The following CEACAM5 variants were observed in gnomAD, a reference collection of about 807,000 sequenced individuals.
CEACAM5 encodes the protein cell adhesion molecule CEACAM5.
In CEACAM5, 52 loss-of-function variants were observed where a neutral mutation model predicts 63.0. That is an observed-to-expected ratio of 0.83 (90% confidence interval 0.66 to 1.04). CEACAM5 has a LOEUF of 1.04. Among genes scored for constraint, CEACAM5 ranks in the 50% least tolerant of loss-of-function variants. The probability of loss-of-function intolerance (pLI) is 0.00; values close to 1 mark genes in which losing one functional copy is unlikely to be tolerated. For missense variants in CEACAM5, 790 were observed against 864.8 expected, an observed-to-expected ratio of 0.91 and a Z score of 1.08; for synonymous variants, 357 against 351.3, an observed-to-expected ratio of 1.02 and a Z score of -0.18.
Position 41,718,398 on chromosome 19 carries a change from G to A in CEACAM5, c.1492+16G>A. ...ACAGTCTCTGGTAAGTGGATCCCTG[G>A]ACCGTTAGCAATATGTTCTGGAGCG... On this transcript the variant is annotated intron_variant, in intron 6 of 9. Coordinates refer to ENST00000221992, the MANE Select transcript of CEACAM5 (RefSeq NM_004363.6). 1 of 1,612,850 alleles carries A rather than the reference G, an allele frequency of 6.2e-7. No individual in the cohort carries two copies. The highest frequency in any genetic ancestry group is 8.5e-7 in the Non-Finnish European group (1 of 1,179,080).
At chr19:41,715,435 G>A (rs1555814816) in intron 3 of CEACAM5, 186 bp downstream of exon 3, 4 of 1,137,226 alleles carry the variant, frequency 3.5e-6, no homozygotes, top group Non-Finnish European at 5.2e-6. Flanking sequence ...TAGGAGGGGA[G>A]GGGCTGCTTC....
Position 41,718,253 on chromosome 19 carries a change from A to G in CEACAM5, c.1363A>G (p.Ile455Val), listed in dbSNP as rs1555815427. 6.2e-7 allele frequency: 1 copy of G among 1,614,212 alleles called. No homozygotes were observed. Among genetic ancestry groups the G allele is most frequent in the South Asian group, 1.1e-5 (1 of 91,082 alleles). Reference sequence around the variant, plus strand: ...GTATTCTTGGCTGATTGATGGGAACATCCAGCAACACACACAAGAGCTCTT... The same window carrying G: ...GTATTCTTGGCTGATTGATGGGAACGTCCAGCAACACACACAAGAGCTCTT... ...AQYSWLIDGN[I>V]QQHTQELFIS... Residue 455 changes from isoleucine to valine, a missense_variant, in exon 6 of 10, where the codon ATC (isoleucine) becomes GTC (valine). Transcript: ENST00000221992.
Position 41,708,630 on chromosome 19 carries a change from G to A in CEACAM5, c.-102G>A. ...CCCTAGGAAGAGACTCAGGGCAGAG[G>A]GAGGAAGGACAGCAGACCAGACAGT... On this transcript the variant is annotated 5_prime_UTR_variant, in exon 1 of 10. Coordinates refer to ENST00000221992, the MANE Select transcript of CEACAM5 (RefSeq NM_004363.6). The A allele has an allele frequency of 9.8e-7, 1 of 1,016,406 alleles. No homozygotes were observed. The highest frequency in any genetic ancestry group is 1.5e-6 in the Non-Finnish European group (1 of 657,972). The allele number at this position is 1,016,406 out of a possible 1,614,324, so 63.0% of individuals were successfully genotyped here.
chr19:41,710,960 C>T (rs1352312565), intron 2 of CEACAM5, among the ~76,000 whole-genome samples: 10 of 152,182 alleles, frequency 6.6e-5, no homozygotes, highest in Non-Finnish European at 1.2e-4. Context: ...GGGAGACAGT[C>T]ACTAACAAGG....
chr19:41,725,489 C>A (rs2072687631), intron 8 of CEACAM5, among the ~76,000 whole-genome samples: 1 of 151,896 alleles, frequency 6.6e-6, no homozygotes, highest in Non-Finnish European at 1.5e-5. Context: ...TCTGCCCCAG[C>A]CTCTTGAGAA....
chr19:41,714,526 C>A (rs1293107346), intron 2 of CEACAM5, among the ~76,000 whole-genome samples: 3 of 152,208 alleles, frequency 2.0e-5, no homozygotes, highest in African/African-American at 7.2e-5. Flanking sequence ...CCATCACTAT[C>A]CATTTCTAGG....
At chr19:41,709,263 G>A (rs966903533) in intron 1 of CEACAM5, among the ~76,000 whole-genome samples, 49 of 152,302 alleles carry the variant, frequency 3.2e-4, no homozygotes, top group African/African-American at 9.1e-4. Context: ...TGGGGAGGAA[G>A]ACAGACATAC....
At chr19:41,727,402 C>A in intron 9 of CEACAM5, 50 bp downstream of exon 9, 1 of 929,822 alleles carries the variant, frequency 1.1e-6, no homozygotes, top group Non-Finnish European at 1.7e-6. Flanking sequence ...GTGCTGACTG[C>A]CATGCTTGGG....
intron 6 of CEACAM5, among the ~76,000 whole-genome samples, chr19:41,718,605 AG>A (rs2072567278): frequency 6.6e-6 from 1 of 152,080 alleles, no homozygotes. Context: ...AAATGTGGGG[AG>A]GGGTCTTCAT....
Position 41,715,796 on chromosome 19 carries a change from C to T in CEACAM5, c.850C>T (p.Leu284Phe), listed in dbSNP as rs2072517309. 6.2e-7 allele frequency: 1 copy of T among 1,614,098 alleles called. No individual in the cohort carries two copies. The highest frequency in any genetic ancestry group is 8.5e-7 in the Non-Finnish European group (1 of 1,180,036). ...GACTTTCCAGCAATCCACCCAAGAG[C>T]TCTTTATCCCCAACATCACTGTGAA... ...NGTFQQSTQE[L>F]FIPNITVNNS... is the part of the protein sequence containing the mutation. The change falls in exon 4 of 10, where the codon CTC becomes TTC. Residue 284 changes from leucine (L) to phenylalanine (F), a missense_variant. Coordinates refer to ENST00000221992, the MANE Select transcript of CEACAM5 (RefSeq NM_004363.6).
Position 41,715,114 on chromosome 19 carries a change from A to G in CEACAM5, c.568A>G (p.Arg190Gly). The G allele has an allele frequency of 1.9e-6, 3 of 1,614,214 alleles. No individual in the cohort carries two copies. Among genetic ancestry groups the G allele is most frequent in the Non-Finnish European group, 2.5e-6 (3 of 1,180,024 alleles). The part of the protein sequence containing the change: ...VNNQSLPVSP[R>G]LQLSNGNRTL... ...CAATCAGAGCCTCCCGGTCAGTCCC[A>G]GGCTGCAGCTGTCCAATGGCAACAG... The change falls in exon 3 of 10, where the codon AGG becomes GGG. Residue 190 changes from arginine to glycine, a missense_variant. Transcript: ENST00000221992.
Position 41,729,336 on chromosome 19 carries a change from T to A in CEACAM5, c.*189T>A, listed in dbSNP as rs1291357687. The stretch of plus-strand genomic sequence containing the variant: ...CCCATCTCTACTAAAAATACAAAAA[T>A]GAGCTGGGCTTGGTGGCGCACACCT... On this transcript the variant is annotated 3_prime_UTR_variant, in exon 10 of 10. Transcript: ENST00000221992. The A allele has an allele frequency of 1.3e-5, 2 of 152,020 alleles. No individual in the cohort carries two copies. The highest frequency in any genetic ancestry group is 4.8e-5 in the African/African-American group (2 of 41,368). 9.4% of individuals were successfully genotyped at this position (152,020 alleles called of 1,614,324 possible).
intron 6 of CEACAM5, among the ~76,000 whole-genome samples, chr19:41,719,092 G>A (rs1300843887): frequency 6.6e-6 from 1 of 152,120 alleles, no homozygotes; most frequent in Non-Finnish European, 1.5e-5. Context: ...TGAGATTGTG[G>A]GCACAGCACA....
intron 8 of CEACAM5, among the ~76,000 whole-genome samples, chr19:41,722,839 T>C (rs2072643554): frequency 1.3e-5 from 2 of 152,228 alleles, no homozygotes; most frequent in South Asian, 2.1e-4. Flanking sequence ...CCTTCAATTC[T>C]TTTTGGTGTA....
At position 41,708,663 on chromosome 19, in the gene CEACAM5, G is replaced by A; in HGVS notation, c.-69G>A. ...GACAGCAGACCAGACAGTCACAGCA[G>A]CCTTGACAAAACGTTCCTGGAACTC... On this transcript the variant is annotated 5_prime_UTR_variant, in exon 1 of 10. Transcript: ENST00000221992. The A allele has an allele frequency of 7.1e-7, 1 of 1,401,350 alleles. No homozygotes were observed. Among genetic ancestry groups the A allele is most frequent in the South Asian group, 1.2e-5 (1 of 83,256 alleles). 86.8% of individuals were successfully genotyped at this position (1,401,350 alleles called of 1,614,324 possible).
intron 8 of CEACAM5, 84 bp from the exon 9 acceptor site, chr19:41,727,150 C>A: frequency 1.0e-6 from 1 of 1,003,442 alleles, no homozygotes; most frequent in Non-Finnish European, 1.6e-6. Flanking sequence ...CTGCTTCATG[C>A]TGAGAGCTGG....
rs1324402969 is a variant in CEACAM5, at chr19:41,730,419, C to A, written c.*1272C>A. 1.5e-3 allele frequency among the ~76,000 whole-genome samples: 201 copies of A among 131,122 alleles called. No individual in the cohort carries two copies. Among genetic ancestry groups the A allele is most frequent in the African/African-American group, 2.2e-3 (80 of 35,786 alleles). 86.0% of individuals were successfully genotyped at this position (131,122 alleles called of 152,430 possible). A position where few individuals can be genotyped will look rare whatever the true frequency, so the allele number is the denominator to read the frequency against. ...CCTGGGAGACAAAGTGAGACTCCGTCAAAAAAAAAAAAAAGTCTATGTGGT... is the reference window on the plus strand; with the variant it reads ...CCTGGGAGACAAAGTGAGACTCCGTAAAAAAAAAAAAAAAGTCTATGTGGT... On this transcript the variant is annotated 3_prime_UTR_variant, in exon 10 of 10. Coordinates refer to ENST00000221992, the MANE Select transcript of CEACAM5 (RefSeq NM_004363.6).
intron 9 of CEACAM5, among the ~76,000 whole-genome samples, chr19:41,728,634 A>G (rs1241064521): frequency 6.6e-5 from 10 of 152,090 alleles, no homozygotes; most frequent in African/African-American, 2.4e-4. Flanking sequence ...AAAATACAAA[A>G]AAATCAGCTG....
At position 41,727,304 on chromosome 19, in the gene CEACAM5, TG is replaced by T; in HGVS notation, c.2098del (p.Ala700LeufsTer2). The T allele has an allele frequency of 6.2e-7, 1 of 1,613,344 alleles. No homozygotes were observed. Among genetic ancestry groups the T allele is most frequent in the Non-Finnish European group, 8.5e-7 (1 of 1,179,256 alleles). ...TCATGATTGGAGTGCTGGTTGGGGTTGCTCTGATATAGCAGCCCTGGTGTAG... is the reference window on the plus strand; with the variant it reads ...TCATGATTGGAGTGCTGGTTGGGGTTCTCTGATATAGCAGCCCTGGTGTAG... ...GIMIGVLVGVALI is the reference protein window; with the variant it reads ...GIMIGVLVGVXLI On this transcript the variant is annotated frameshift_variant, in exon 9 of 10. Transcript: ENST00000221992. LOFTEE classifies it high-confidence loss of function.
Sources: gnomAD v4.1 joint callset for allele counts (sites outside exome capture counted in the v4.1 genomes callset) on GRCh38, gnomAD v4.1.1 for gene constraint, MANE v1.5 for transcripts, NCBI Gene and HGNC (gene_info 2026-07-23, HGNC 2026-07-21) for gene names.